The following NQO1 variants were observed in gnomAD, a reference collection of about 807,000 sequenced individuals.
NQO1 encodes NAD(P)H quinone dehydrogenase 1.
A neutral mutation model predicts 32.1 loss-of-function variants in NQO1; 30 were observed. The observed-to-expected ratio is 0.94, with a 90% CI of 0.70 to 1.27. NQO1 has a LOEUF of 1.27. Ranked by LOEUF, NQO1 falls within the 50% of genes most tolerant of loss-of-function variation. NQO1 has a pLI of 0.00. For synonymous variants in NQO1, 109 were observed against 119.7 expected (o/e 0.91, Z 0.59); for missense variants, 276 against 331.3 (o/e 0.83, Z 1.30).
At chr16:69,716,450 C>T (rs1182705279) in intron 3 of NQO1, among the ~76,000 whole-genome samples, 3 of 151,626 alleles carry the variant, frequency 2.0e-5, no homozygotes, top group Non-Finnish European at 4.4e-5. Context: ...CGAGATTGCA[C>T]CATTGCACTC....
At chr16:69,723,386 A>G (rs191884486) in intron 1 of NQO1, among the ~76,000 whole-genome samples, 9 of 152,280 alleles carry the variant, frequency 5.9e-5, no homozygotes, top group African/African-American at 1.7e-4. Context: ...TGACTTTACA[A>G]TTTTTCATGT....
At chr16:69,716,167 A>AAAT (rs751455910) in intron 3 of NQO1, among the ~76,000 whole-genome samples, 2,159 of 148,596 alleles carry the variant, frequency 0.015, 45 homozygotes, top group African/African-American at 0.044. Flanking sequence ...CTCCATCTCT[A>AAAT]AATAATAATA....
At chr16:69,717,805 G>C (rs2151745158) in intron 3 of NQO1, among the ~76,000 whole-genome samples, 1 of 152,216 alleles carries the variant, frequency 6.6e-6, no homozygotes, top group South Asian at 2.1e-4. Flanking sequence ...TAAAGACAGG[G>C]TTTCACCATG....
chr16:69,712,574 C>G (rs2038055241), intron 5 of NQO1, among the ~76,000 whole-genome samples: 1 of 152,208 alleles, frequency 6.6e-6, no homozygotes, highest in Non-Finnish European at 1.5e-5. Context: ...CAGGCAGGTT[C>G]TTAAAGGAGG....
chr16:69,718,380 C>G lies in NQO1; in HGVS notation c.162G>C (p.Lys54Asn). The G allele has an allele frequency of 6.2e-7, 1 of 1,614,166 alleles. No individual in the cohort carries two copies. Among genetic ancestry groups the G allele is most frequent in the East Asian group, 2.2e-5 (1 of 44,882 alleles). Residue 54 changes from lysine to asparagine, a missense_variant, in exon 2 of 6, where the codon AAG becomes AAC. Lys to Asn is a moderately conservative substitution (Grantham distance 94). Coordinates refer to ENST00000320623, the MANE Select transcript of NQO1 (RefSeq NM_000903.3). ...AMNFNPIISR[K>N]DITGKLKDPA... ...AGGAACTCCTCCTACCTGTGATGTC[C>G]TTTCTGGAAATGATGGGATTGAAGT...
In NQO1 at chr16:69,710,971, G is replaced by T; in HGVS notation, c.*5C>A. On this transcript the variant is annotated 3_prime_UTR_variant, in exon 6 of 6. Transcript: ENST00000320623. ...ATGTTAGAAGGAAATCCAGGCTAAG[G>T]AATCTCATTTTCTAGCTTTGATCTG... The T allele has an allele frequency of 6.2e-7, 1 of 1,607,022 alleles. No homozygotes were observed. The highest frequency in any genetic ancestry group is 8.5e-7 in the Non-Finnish European group (1 of 1,175,924).
chr16:69,717,946 C>A, intron 3 of NQO1, 177 bp downstream of exon 3: 1 of 961,426 alleles, frequency 1.0e-6, no homozygotes, highest in Non-Finnish European at 1.5e-6. Flanking sequence ...AGTAATACAG[C>A]CAGATTCCCA....
At chr16:69,716,191 T>TC (rs879371524) in intron 3 of NQO1, among the ~76,000 whole-genome samples, 7,962 of 147,516 alleles carry the variant, frequency 0.054, 522 homozygotes, top group African/African-American at 0.16. Context: ...ATAATAATAA[T>TC]AATCATCATC....
intron 3 of NQO1, among the ~76,000 whole-genome samples, chr16:69,715,661 G>A (rs974439461): frequency 6.6e-6 from 1 of 152,142 alleles, no homozygotes; most frequent in Non-Finnish European, 1.5e-5. Context: ...CTAGCTACTC[G>A]GGCTGTTGAG....
Position 69,711,202 on chromosome 16 carries a change from G to A in NQO1, c.599C>T (p.Ala200Val), listed in dbSNP as rs2038035671. 6 of 1,614,136 alleles carry A rather than the reference G, an allele frequency of 3.7e-6. No homozygotes were observed. The East Asian group carries it at 1.3e-4, about 36-fold the overall frequency. ...TYSIGHTPAD[A>V]RIQILEGWKK... ...CCATCCTTCCAGGATTTGAATTCGG[G>A]CGTCTGCTGGAGTGTGCCCAATGCT... The change falls in exon 6 of 6, where the codon GCC (alanine) becomes GTC (valine). Residue 200 changes from alanine to valine, a missense_variant. Coordinates refer to ENST00000320623, the MANE Select transcript of NQO1 (RefSeq NM_000903.3).
Position 69,709,835 on chromosome 16 carries a change from A to G in NQO1, c.*1141T>C, listed in dbSNP as rs2038013184. ...AGGTTTACAATTGTACCCCAAGGTCATGGGACTGGACCCCATCCCATAGTA... is the reference window on the plus strand; with the variant it reads ...AGGTTTACAATTGTACCCCAAGGTCGTGGGACTGGACCCCATCCCATAGTA... On this transcript the variant is annotated 3_prime_UTR_variant, in exon 6 of 6. Coordinates refer to ENST00000320623, the MANE Select transcript of NQO1 (RefSeq NM_000903.3). The G allele has an allele frequency of 5.0e-6, 2 of 398,620 alleles. No homozygotes were observed. The highest frequency in any genetic ancestry group is 8.8e-6 in the Non-Finnish European group (2 of 226,066). The allele number at this position is 398,620 out of a possible 1,614,324, so 24.7% of individuals were successfully genotyped here. A position where few individuals can be genotyped will look rare whatever the true frequency, so the allele number is the denominator to read the frequency against.
chr16:69,714,072 T>A (rs1175669259), intron 4 of NQO1, among the ~76,000 whole-genome samples: 1 of 151,916 alleles, frequency 6.6e-6, no homozygotes, highest in Non-Finnish European at 1.5e-5. Context: ...AGAGACGGGG[T>A]TTCGCCGTGT....
In NQO1 at chr16:69,709,446, G is replaced by T. The variant is rs549261247; in HGVS notation, c.*1530C>A. On this transcript the variant is annotated 3_prime_UTR_variant, in exon 6 of 6. Transcript: ENST00000320623. ...TTTTATTTATTTAATTCAGATCTTT[G>T]AGAAATTTACACAAAATTGCAGTGA... 2.9e-4 allele frequency: 70 copies of T among 238,480 alleles called. No homozygotes were observed. The highest frequency in any genetic ancestry group is 1.4e-3 in the African/African-American group (65 of 44,894). 14.8% of individuals were successfully genotyped at this position (238,480 alleles called of 1,614,324 possible).
Position 69,726,445 on chromosome 16 carries a change from TG to T in NQO1, c.-7del. ...TTGCAGCACTCACCGACCATGGCTC[TG>T]GTGCAGTCCGGGGCGCTGATTGGCT... On this transcript the variant is annotated 5_prime_UTR_variant, in exon 1 of 6. Transcript: ENST00000320623. 1 of 1,611,082 alleles carries T rather than the reference TG, an allele frequency of 6.2e-7. No individual in the cohort carries two copies. The highest frequency in any genetic ancestry group is 1.1e-5 in the South Asian group (1 of 91,038).
In NQO1 at chr16:69,713,010, G is replaced by C. The variant is rs921260455; in HGVS notation, c.519+18C>G. ...TCCGTCTCAAAGAAAAAAAAGAAAA[G>C]AAAAGAAAATGAGGTACCTGAATTG... On this transcript the variant is annotated intron_variant, in intron 5 of 5. Coordinates refer to ENST00000320623, the MANE Select transcript of NQO1 (RefSeq NM_000903.3). 1 of 1,599,008 alleles carries C rather than the reference G, an allele frequency of 6.3e-7. No individual in the cohort carries two copies.
Position 69,713,088 on chromosome 16 carries a change from G to A in NQO1, c.459C>T (p.Gly153=), listed in dbSNP as rs1458313646. 2 of 1,614,156 alleles carry A rather than the reference G, an allele frequency of 1.2e-6. No homozygotes were observed. Among genetic ancestry groups the A allele is most frequent in the South Asian group, 1.1e-5 (1 of 91,074 alleles). Residue 153 remains glycine, a synonymous_variant, in exon 5 of 6, where the codon GGC becomes GGT. Transcript: ENST00000320623. ...AVLSITTGGS[G]SMYSLQGIHG... is the part of the protein sequence containing the mutation. ...GGATCCCTTGCAGAGAGTACATGGA[G>A]CCACTGCCACCAGTGGTGATGGAAA... is the stretch of plus-strand genomic sequence containing the variant.
rs1156706999 is a variant in NQO1 at position 69,726,381 on chromosome 16, C to G, written c.7+52G>C. On this transcript the variant is annotated intron_variant, in intron 1 of 5. Coordinates refer to ENST00000320623, the MANE Select transcript of NQO1 (RefSeq NM_000903.3). ...AAGCCCCTACAACCTCCTCCACAGG[C>G]ACCAGTGCTCGAGAGACGACCGCCA... 4 of 1,608,424 alleles carry G rather than the reference C, an allele frequency of 2.5e-6. No homozygotes were observed. In the Admixed American group the frequency reaches 6.8e-5, roughly 27 times the overall value.
intron 3 of NQO1, among the ~76,000 whole-genome samples, chr16:69,717,623 T>C (rs1175819997): frequency 6.6e-6 from 1 of 151,356 alleles, no homozygotes; most frequent in African/African-American, 2.4e-5. Context: ...TTTTTTTTTT[T>C]GAGACAGAAT....
At position 69,709,927 on chromosome 16, in the gene NQO1, A is replaced by T. The variant is rs1182699873; in HGVS notation, c.*1049T>A. On this transcript the variant is annotated 3_prime_UTR_variant, in exon 6 of 6. Coordinates refer to ENST00000320623, the MANE Select transcript of NQO1 (RefSeq NM_000903.3). ...AATTTGTATAGATCAGAAATAAAGTATTTTTTGTGGAAGACTATTTTTAAG... is the reference window on the plus strand; with the variant it reads ...AATTTGTATAGATCAGAAATAAAGTTTTTTTTGTGGAAGACTATTTTTAAG... 1.5e-5 allele frequency: 6 copies of T among 397,880 alleles called. No individual in the cohort carries two copies. The highest frequency in any genetic ancestry group is 2.7e-5 in the Non-Finnish European group (6 of 225,774). The allele number at this position is 397,880 out of a possible 1,614,324, so 24.6% of individuals were successfully genotyped here. A position where few individuals can be genotyped will look rare whatever the true frequency, so the allele number is the denominator to read the frequency against.
Sources: allele counts gnomAD v4.1 joint callset (sites outside exome capture counted in the v4.1 genomes callset), GRCh38; gene constraint gnomAD v4.1.1; transcripts MANE v1.5; gene names NCBI Gene and HGNC (gene_info 2026-07-23, HGNC 2026-07-21).